TTC8: variants seen among roughly 807,000 people sequenced by gnomAD.
TTC8 encodes tetratricopeptide repeat domain 8.
TTC8 carries 47 observed loss-of-function variants against 72.5 expected under a neutral mutation model. The ratio of observed to expected loss-of-function variants is 0.65; its 90% CI spans 0.51 to 0.83. The LOEUF is 0.83. TTC8 is among the 40% of genes least tolerant of loss of function. TTC8 has a pLI of 0.00. For synonymous variants in TTC8, 199 were observed against 221.4 expected (o/e 0.90, Z 0.90); for missense variants, 611 against 623.2 (o/e 0.98, Z 0.21).
intron 10 of TTC8, among the ~76,000 whole-genome samples, chr14:88,865,664 A>G (rs1346486571): frequency 6.6e-6 from 1 of 152,144 alleles, no homozygotes; most frequent in East Asian, 1.9e-4. Context: ...GTGAAACTCC[A>G]TCTCAAAAAT....
At chr14:88,867,422 T>A (rs966048620) in intron 10 of TTC8, among the ~76,000 whole-genome samples, 2 of 152,168 alleles carry the variant, frequency 1.3e-5, no homozygotes, top group African/African-American at 4.8e-5. Context: ...AAAAATAAAC[T>A]GTATATTAGA....
At chr14:88,847,827 A>G (rs1247817983) in intron 7 of TTC8, among the ~76,000 whole-genome samples, 3 of 152,162 alleles carry the variant, frequency 2.0e-5, no homozygotes, top group Non-Finnish European at 4.4e-5. Context: ...ATCATGTATA[A>G]AAAAGCTGAT....
At chr14:88,872,268 A>G in intron 12 of TTC8, 62 bp from the exon 13 acceptor site, 5 of 1,608,254 alleles carry the variant, frequency 3.1e-6, no homozygotes, top group Non-Finnish European at 4.3e-6. Flanking sequence ...GATACCTATG[A>G]GGAAAGAAGG....
At chr14:88,873,635 ATTGT>A (rs1303365427) in intron 13 of TTC8, among the ~76,000 whole-genome samples, 2 of 152,176 alleles carry the variant, frequency 1.3e-5, no homozygotes, top group South Asian at 2.1e-4. Context: ...ATTTGAAGGG[ATTGT>A]TTGTGAGTGT....
chr14:88,837,958 A>G (rs1189421260), intron 2 of TTC8, among the ~76,000 whole-genome samples: 1 of 152,120 alleles, frequency 6.6e-6, no homozygotes, highest in Non-Finnish European at 1.5e-5. Context: ...AAATTCATAC[A>G]TAACATTCAA....
chr14:88,869,426 T>C (rs1331909695), intron 10 of TTC8, among the ~76,000 whole-genome samples: 1 of 152,152 alleles, frequency 6.6e-6, no homozygotes, highest in Non-Finnish European at 1.5e-5. Context: ...ATGTCTAGCA[T>C]GCAGCAGTCA....
chr14:88,877,216 T>C, intron 14 of TTC8, 78 bp from the exon 15 acceptor site: 1 of 1,027,564 alleles, frequency 9.7e-7, no homozygotes, highest in Non-Finnish European at 1.5e-6. Context: ...GCAGATACTA[T>C]GTCTTATTTT....
rs369751176 is a variant in TTC8 at position 88,833,390 on chromosome 14, T to C, written c.115-303T>C. On this transcript the variant is annotated intron_variant, in intron 1 of 14. Transcript: ENST00000380656. ...AGGAAATATTTCCTTGGTATAGTTA[T>C]GGGATTATTCTCAATTTCTGATATA... 5.9e-5 allele frequency among the ~76,000 whole-genome samples: 9 copies of C among 152,336 alleles called. 1 individual carries two copies. The highest frequency in any genetic ancestry group is 1.4e-4 in the African/African-American group (6 of 41,580).
At chr14:88,876,329 CTT>C (rs2094957236) in intron 14 of TTC8, among the ~76,000 whole-genome samples, 1 of 152,170 alleles carries the variant, frequency 6.6e-6, no homozygotes, top group South Asian at 2.1e-4. Flanking sequence ...AAAAAGGAAA[CTT>C]AATTTCTGTT....
intron 10 of TTC8, among the ~76,000 whole-genome samples, chr14:88,869,422 A>G (rs955991479): frequency 2.6e-5 from 4 of 151,866 alleles, no homozygotes; most frequent in Non-Finnish European, 5.9e-5. Context: ...TGGTATGTCT[A>G]GCATGCAGCA....
At position 88,877,542 on chromosome 14, in the gene TTC8, G is replaced by C; in HGVS notation, c.*132G>C. 1.3e-6 allele frequency: 1 copy of C among 752,912 alleles called. No homozygotes were observed. Among genetic ancestry groups the C allele is most frequent in the Non-Finnish European group, 2.4e-6 (1 of 419,210 alleles). The allele number at this position is 752,912 out of a possible 1,614,324, so 46.6% of individuals were successfully genotyped here. On this transcript the variant is annotated 3_prime_UTR_variant, in exon 15 of 15. Coordinates refer to ENST00000380656, the MANE Select transcript of TTC8 (RefSeq NM_144596.4). ...ACCTGTCCTTGATATTAGTTAAGGT[G>C]ACACATAAGGGTGACACAGAATGTG...
At chr14:88,859,829 A>G (rs1282569653) in intron 9 of TTC8, among the ~76,000 whole-genome samples, 4 of 115,282 alleles carry the variant, frequency 3.5e-5, no homozygotes, top group African/African-American at 1.1e-4. Context: ...ATAATTATAA[A>G]CATATAAAAA....
chr14:88,862,206 T>G (rs2094888949), intron 10 of TTC8, among the ~76,000 whole-genome samples: 1 of 152,086 alleles, frequency 6.6e-6, no homozygotes, highest in Non-Finnish European at 1.5e-5. Flanking sequence ...TATTTCACTG[T>G]GGTTTTGATT....
rs1240822145 is a variant in TTC8 at position 88,847,890 on chromosome 14, A to C, written c.624+4040A>C. 6.6e-5 allele frequency among the ~76,000 whole-genome samples: 10 copies of C among 152,268 alleles called. No homozygotes were observed. The East Asian group carries it at 1.9e-3, about 29-fold the overall frequency. On this transcript the variant is annotated intron_variant, in intron 7 of 14. Transcript: ENST00000380656. ...GTAATCCCAGCACTTTGGGAGGCCA[A>C]GGTGGGTGGATCACCTGAGGTCAGG...
chr14:88,855,071 G>A (rs901170684), intron 8 of TTC8, among the ~76,000 whole-genome samples: 2 of 152,014 alleles, frequency 1.3e-5, no homozygotes, highest in Non-Finnish European at 2.9e-5. Flanking sequence ...ATGTACTTAC[G>A]TTCATGGTTT....
At chr14:88,849,629 C>G (rs2094824321) in intron 7 of TTC8, among the ~76,000 whole-genome samples, 1 of 151,998 alleles carries the variant, frequency 6.6e-6, no homozygotes, top group African/African-American at 2.4e-5. Context: ...GCTTTTAGTG[C>G]TTTTCTCATG....
intron 7 of TTC8, among the ~76,000 whole-genome samples, chr14:88,852,727 ATATAT>A (rs2094838867): frequency 6.6e-6 from 1 of 152,164 alleles, no homozygotes; most frequent in Admixed American, 6.5e-5. Flanking sequence ...TTATATTCAA[ATATAT>A]TATACATCTG....
At chr14:88,833,632 A>C in intron 1 of TTC8, 61 bp from the exon 2 acceptor site, 1 of 1,509,710 alleles carries the variant, frequency 6.6e-7, no homozygotes, top group Non-Finnish European at 9.2e-7. Context: ...GGTCCTTAGG[A>C]CTTTTTATTT....
chr14:88,853,173 A>G, intron 8 of TTC8, 117 bp downstream of exon 8: 1 of 735,994 alleles, frequency 1.4e-6, no homozygotes, highest in Non-Finnish European at 2.4e-6. Flanking sequence ...TGTGTCTTTG[A>G]CTTACTTGAT....
Sources: allele counts gnomAD v4.1 joint callset (sites outside exome capture counted in the v4.1 genomes callset), GRCh38; gene constraint gnomAD v4.1.1; transcripts MANE v1.5; gene names NCBI Gene and HGNC (gene_info 2026-07-23, HGNC 2026-07-21).